The following FRMD4A variants were observed in gnomAD, a reference collection of about 807,000 sequenced individuals.
FRMD4A encodes FERM domain-containing protein 4A.
In FRMD4A, 29 loss-of-function variants were observed where a neutral mutation model predicts 129.1. The ratio of observed to expected loss-of-function variants is 0.22; its 90% confidence interval spans 0.17 to 0.31. The LOEUF is 0.31. Among genes scored for constraint, FRMD4A ranks in the 10% least tolerant of loss-of-function variants. FRMD4A has a pLI of 1.00. For synonymous variants in FRMD4A, 634 were observed against 571.6 expected, an observed-to-expected ratio of 1.11 and a Z score of -1.56; for missense variants, 1,272 against 1,375.8, an observed-to-expected ratio of 0.92 and a Z score of 1.19.
chr10:13,846,043 G>A (rs1202000116), intron 3 of FRMD4A, among the ~76,000 whole-genome samples: 2 of 152,142 alleles, frequency 1.3e-5, no homozygotes, highest in Non-Finnish European at 2.9e-5. Flanking sequence ...GAAAAAATGG[G>A]AATAATAACA....
chr10:14,112,730 T>C (rs1288684627), intron 2 of FRMD4A, among the ~76,000 whole-genome samples: 2 of 152,190 alleles, frequency 1.3e-5, no homozygotes, highest in South Asian at 2.1e-4. Context: ...TTCATCATGT[T>C]GGCCAGGCCG....
At chr10:13,730,186 C>T (rs1420543899) in intron 12 of FRMD4A, among the ~76,000 whole-genome samples, 2 of 152,144 alleles carry the variant, frequency 1.3e-5, no homozygotes, top group African/African-American at 2.4e-5. Flanking sequence ...CAGGCTTTCT[C>T]GGGCTTCAAT....
At chr10:13,781,820 A>ATTT (rs1450150543) in intron 6 of FRMD4A, among the ~76,000 whole-genome samples, 1 of 63,154 alleles carries the variant, frequency 1.6e-5, no homozygotes, top group Non-Finnish European at 2.7e-5. Context: ...TGGCTGAGGA[A>ATTT]AACGGGGAAG....
chr10:13,836,233 G>A (rs545055392), intron 3 of FRMD4A, among the ~76,000 whole-genome samples: 1 of 152,300 alleles, frequency 6.6e-6, no homozygotes, highest in African/African-American at 2.4e-5. Flanking sequence ...CCTGACCTCA[G>A]GTGATCCACC....
chr10:14,143,824 G>A (rs1375615080), intron 2 of FRMD4A, among the ~76,000 whole-genome samples: 1 of 151,998 alleles, frequency 6.6e-6, no homozygotes, highest in Non-Finnish European at 1.5e-5. Context: ...GACCAGGCTG[G>A]TCTTGAACTT....
chr10:14,038,301 C>G (rs1588843874), intron 2 of FRMD4A, among the ~76,000 whole-genome samples: 1 of 151,864 alleles, frequency 6.6e-6, no homozygotes, highest in Admixed American at 6.6e-5. Context: ...CCAGCCTGGG[C>G]GACAAAGCGA....
chr10:14,216,855 G>T (rs545242181), intron 2 of FRMD4A, among the ~76,000 whole-genome samples: 6 of 152,058 alleles, frequency 3.9e-5, no homozygotes, highest in Non-Finnish European at 8.8e-5. Context: ...CCAGGATAAT[G>T]ATCCTTCATT....
At chr10:14,249,669 C>T (rs1844367881) in intron 2 of FRMD4A, among the ~76,000 whole-genome samples, 1 of 152,148 alleles carries the variant, frequency 6.6e-6, no homozygotes. Context: ...ATATGCAAAA[C>T]AATTTAGCAC....
chr10:13,820,504 T>C (rs2093613726), intron 3 of FRMD4A, among the ~76,000 whole-genome samples: 1 of 151,494 alleles, frequency 6.6e-6, no homozygotes, highest in South Asian at 2.1e-4. Context: ...TCACAGATTC[T>C]AAGTCAAAAG....
intron 2 of FRMD4A, among the ~76,000 whole-genome samples, chr10:13,905,543 A>G (rs2094872952): frequency 6.6e-6 from 1 of 152,218 alleles, no homozygotes; most frequent in Admixed American, 6.5e-5. Flanking sequence ...GGAAATGGTT[A>G]TAACCTAAAC....
chr10:14,213,613 T>C (rs10906628), intron 2 of FRMD4A, among the ~76,000 whole-genome samples: 84,221 of 152,026 alleles, frequency 0.55, 24,746 homozygotes, highest in South Asian at 0.75. Context: ...TCCCACAGAA[T>C]AGGAGAGCCA....
chr10:13,695,515 C>T (rs562804586), intron 14 of FRMD4A, among the ~76,000 whole-genome samples: 175 of 152,330 alleles, frequency 1.1e-3, no homozygotes, highest in Middle Eastern at 3.4e-3. Flanking sequence ...TTGCATTTCC[C>T]ACACGTGTGT....
intron 2 of FRMD4A, among the ~76,000 whole-genome samples, chr10:14,257,639 C>T (rs963664326): frequency 6.6e-6 from 1 of 152,122 alleles, no homozygotes; most frequent in South Asian, 2.1e-4. Context: ...AATCCAATGA[C>T]TGGTGTCCTT....
At chr10:14,034,913 G>T (rs1440413734) in intron 2 of FRMD4A, among the ~76,000 whole-genome samples, 1 of 152,230 alleles carries the variant, frequency 6.6e-6, no homozygotes, top group East Asian at 1.9e-4. Flanking sequence ...CAGGTGCATA[G>T]TGGAACACTG....
intron 8 of FRMD4A, among the ~76,000 whole-genome samples, chr10:13,755,192 G>A (rs1229152548): frequency 1.3e-5 from 2 of 152,278 alleles, no homozygotes; most frequent in African/African-American, 2.4e-5. Flanking sequence ...TTAGTTCTTC[G>A]TGTTCTTTTC....
chr10:14,229,109 G>GTT, intron 2 of FRMD4A, among the ~76,000 whole-genome samples: 1 of 148,466 alleles, frequency 6.7e-6, no homozygotes, highest in East Asian at 2.0e-4. Context: ...TTTGTTTTTT[G>GTT]TTTTTTTTTA....
chr10:14,004,668 G>A (rs988176407), intron 2 of FRMD4A, among the ~76,000 whole-genome samples: 4 of 152,180 alleles, frequency 2.6e-5, no homozygotes, highest in South Asian at 2.1e-4. Flanking sequence ...ATTGTGTTAC[G>A]TCCTTGCATA....
At chr10:14,153,451 C>A (rs1840441259) in intron 2 of FRMD4A, among the ~76,000 whole-genome samples, 2 of 152,174 alleles carry the variant, frequency 1.3e-5, no homozygotes, top group Non-Finnish European at 2.9e-5. Flanking sequence ...TACACATGCA[C>A]AGATGGAGCC....
chr10:13,999,903 T>C (rs2095635785), intron 2 of FRMD4A, among the ~76,000 whole-genome samples: 2 of 152,212 alleles, frequency 1.3e-5, no homozygotes, highest in South Asian at 4.1e-4. Flanking sequence ...TGAAGGACAA[T>C]TCTGTTTTAT....
Sources: gnomAD v4.1 joint callset for allele counts (sites outside exome capture counted in the v4.1 genomes callset) on GRCh38, gnomAD v4.1.1 for gene constraint, MANE v1.5 for transcripts, NCBI Gene and HGNC (gene_info 2026-07-23, HGNC 2026-07-21) for gene names.